Variants in DENND2B observed in about 807,000 individuals in gnomAD.
DENND2B encodes the protein DENN domain containing 2B.
Under a neutral mutation model 116.0 loss-of-function variants are expected in DENND2B, and 32 were observed. The ratio of observed to expected loss-of-function variants is 0.28; its 90% CI spans 0.21 to 0.37. The LOEUF (loss-of-function observed/expected upper bound fraction) is 0.37. Ranked by LOEUF, DENND2B falls within the 10% of genes least tolerant of loss-of-function variation. The probability of loss-of-function intolerance (pLI) is 1.00; values close to 1 mark genes in which losing one functional copy is unlikely to be tolerated. For missense variants in DENND2B, 1,276 were observed against 1,477.7 expected (o/e 0.86, Z 2.24); for synonymous variants, 588 against 583.9 (o/e 1.01, Z -0.10).
chr11:8,770,701 A>G (rs1187212027), intron 1 of DENND2B, among the ~76,000 whole-genome samples: 1 of 152,128 alleles, frequency 6.6e-6, no homozygotes, highest in Admixed American at 6.5e-5. Flanking sequence ...TATTTAAAAA[A>G]TCTTTTTATG....
intron 1 of DENND2B, among the ~76,000 whole-genome samples, chr11:8,788,307 A>G (rs1368135919): frequency 1.3e-5 from 2 of 152,154 alleles, no homozygotes; most frequent in Non-Finnish European, 2.9e-5. Flanking sequence ...ATTTCCTCTC[A>G]AGGGCTCCTG....
upstream of DENND2B, among the ~76,000 whole-genome samples, chr11:8,872,507 A>T (rs1043158433): frequency 8.7e-4 from 132 of 152,134 alleles, no homozygotes; most frequent in African/African-American, 3.1e-3. Context: ...AAAAAAGAAA[A>T]AAAAAGATAC....
In DENND2B at chr11:8,730,665, C is replaced by A; in HGVS notation, c.625G>T (p.Val209Leu). The A allele has an allele frequency of 6.2e-7, 1 of 1,612,386 alleles. No homozygotes were observed. The highest frequency in any genetic ancestry group is 8.5e-7 in the Non-Finnish European group (1 of 1,179,802). Residue 209 changes from valine to leucine, a missense_variant, in exon 3 of 20, where the codon GTG becomes TTG. This residue lies in a region of DENND2B where 856 missense variants were observed against 846.6 expected (regional missense o/e 1.01). Transcript: ENST00000313726. This position sits in a 1 kb window ranked among gnomAD's most constrained non-coding sequence, Gnocchi z 4.1. The part of the protein sequence containing the change: ...EGCPSLGCPS[V>L]VPSPCSSEKT... ...TCAGAGCTGCAGGGGGACGGCACCA[C>A]GCTGGGACAGCCCAGGCTGGGGCAG... is the stretch of plus-strand genomic sequence containing the variant.
chr11:8,721,060 G>A (rs2046079866), intron 4 of DENND2B, among the ~76,000 whole-genome samples: 1 of 151,932 alleles, frequency 6.6e-6, no homozygotes, highest in African/African-American at 2.4e-5. Context: ...TTCCCTGAAG[G>A]CCTGGCCCTC....
Position 8,899,301 on chromosome 11 carries a change from A to C in DENND2B, c.-256+11520T>G, listed in dbSNP as rs181493316. Among the ~76,000 whole-genome samples, 86 of 152,242 alleles carry C rather than the reference A, an allele frequency of 5.6e-4. No individual in the cohort carries two copies. The Middle Eastern group carries it at 0.01, about 18-fold the overall frequency. On this transcript the variant is annotated intron_variant, in intron 1 of 22. Transcript: ENST00000534127. ...AGAAAGGGACAGAAAAAAATGGCTG[A>C]AAACTTTATAAATTTGAGGAAAAAC...
intron 1 of DENND2B, among the ~76,000 whole-genome samples, chr11:8,799,618 A>G (rs1593872005): frequency 7.7e-6 from 1 of 129,354 alleles, no homozygotes; most frequent in South Asian, 2.5e-4. Flanking sequence ...CTCAGGCTGG[A>G]GTGCAGTGTG....
chr11:8,881,594 G>A (rs2063904344), intron 1 of DENND2B, among the ~76,000 whole-genome samples: 1 of 152,166 alleles, frequency 6.6e-6, no homozygotes, highest in Admixed American at 6.5e-5. Context: ...GGAGTGTAGT[G>A]GCATGATCTC....
At chr11:8,849,755 A>G (rs7127479) in intron 3 of DENND2B, among the ~76,000 whole-genome samples, 41,286 of 146,190 alleles carry the variant, frequency 0.28, 6,418 homozygotes, top group East Asian at 0.54. Flanking sequence ...TCCAAGAGGC[A>G]GAGGTTGCAG....
intron 1 of DENND2B, among the ~76,000 whole-genome samples, chr11:8,806,640 C>CACACA (rs1555201307): frequency 2.2e-4 from 2 of 9,288 alleles, no homozygotes; most frequent in Admixed American, 1.3e-3. Context: ...ACACACACAC[C>CACACA]CAGGAGAGCT....
intron 2 of DENND2B, among the ~76,000 whole-genome samples, chr11:8,732,285 A>C (rs2048252829): frequency 1.3e-5 from 2 of 152,252 alleles, no homozygotes; most frequent in African/African-American, 2.4e-5. Flanking sequence ...AATCTTCCTG[A>C]AAAGTCTATG....
chr11:8,818,259 T>C (rs184921488), intron 4 of DENND2B, among the ~76,000 whole-genome samples: 1 of 132,826 alleles, frequency 7.5e-6, no homozygotes, highest in Admixed American at 7.5e-5. Flanking sequence ...TGAGACTCTG[T>C]CTCTAATAAT....
rs117233497 is a variant in DENND2B at position 8,697,882 on chromosome 11, A to T, written c.2941-246T>A. 5.6e-3 allele frequency: 3,054 copies of T among 541,130 alleles called. 19 individuals carry two copies. Among genetic ancestry groups the T allele is most frequent in the Non-Finnish European group, 8.0e-3 (2,370 of 294,828 alleles). 33.5% of individuals were successfully genotyped at this position (541,130 alleles called of 1,614,324 possible). A position where few individuals can be genotyped will look rare whatever the true frequency, so the allele number is the denominator to read the frequency against. On this transcript the variant is annotated intron_variant, in intron 16 of 19. Transcript: ENST00000313726. ...AGTGGCTCACGCCAGTAATCCCAAC[A>T]CTTTGGAAGGCTGAGCGGGAGGATC...
intron 16 of DENND2B, among the ~76,000 whole-genome samples, chr11:8,698,609 C>T (rs1475549617): frequency 1.3e-5 from 2 of 152,196 alleles, no homozygotes; most frequent in African/African-American, 4.8e-5. Context: ...GTTGTCACCA[C>T]CTCTCCTTTA....
At chr11:8,815,652 A>G (rs771662652), upstream of DENND2B, among the ~76,000 whole-genome samples, 1 of 151,986 alleles carries the variant, frequency 6.6e-6, no homozygotes, top group Non-Finnish European at 1.5e-5. Flanking sequence ...ATATTTTTCA[A>G]TCTCCTGATA....
At chr11:8,706,957 G>A in intron 13 of DENND2B, 128 bp downstream of exon 13, 1 of 1,209,110 alleles carries the variant, frequency 8.3e-7, no homozygotes, top group Non-Finnish European at 1.1e-6. Context: ...CTAGTGATGG[G>A]GTACACAGAC....
At chr11:8,786,661 T>G (rs2058932024) in intron 1 of DENND2B, among the ~76,000 whole-genome samples, 1 of 152,086 alleles carries the variant, frequency 6.6e-6, no homozygotes, top group Non-Finnish European at 1.5e-5. Flanking sequence ...AGTTTAAAAA[T>G]TAGCTGGGCA....
At chr11:8,825,828 C>T (rs2061956996) in intron 4 of DENND2B, among the ~76,000 whole-genome samples, 1 of 152,126 alleles carries the variant, frequency 6.6e-6, no homozygotes, top group African/African-American at 2.4e-5. Context: ...TATGAGTCAA[C>T]TGATGAGCAA....
chr11:8,739,131 A>T (rs1393372320), intron 2 of DENND2B, among the ~76,000 whole-genome samples: 1 of 152,262 alleles, frequency 6.6e-6, no homozygotes, highest in Non-Finnish European at 1.5e-5. Context: ...GAAAATGTAA[A>T]TAGTTAAAAA....
chr11:8,885,564 G>A (rs1369889256), intron 1 of DENND2B, among the ~76,000 whole-genome samples: 1 of 152,148 alleles, frequency 6.6e-6, no homozygotes, highest in Non-Finnish European at 1.5e-5. Context: ...TACTCTGGGA[G>A]TGCAATAAAG....
Sources: gnomAD v4.1 joint callset for allele counts (sites outside exome capture counted in the v4.1 genomes callset) on GRCh38, gnomAD v4.1.1 for gene constraint, gnomAD v4.1.1 regional missense constraint, Gnocchi (gnomAD v3.1) non-coding constraint, MANE v1.5 for transcripts, NCBI Gene and HGNC (gene_info 2026-07-23, HGNC 2026-07-21) for gene names.